GHR: variants seen among roughly 807,000 people sequenced by gnomAD.
GHR encodes growth hormone receptor.
A neutral mutation model predicts 67.1 loss-of-function variants in GHR; 35 were observed. The observed-to-expected ratio is 0.52, with a 90% CI of 0.40 to 0.69. GHR has a LOEUF of 0.69. Ranked by LOEUF, GHR falls within the 30% of genes least tolerant of loss-of-function variation. The probability of loss-of-function intolerance (pLI) is 0.00; values close to 1 mark genes in which losing one functional copy is unlikely to be tolerated. For missense variants in GHR, 792 were observed against 764.6 expected (o/e 1.04, Z -0.42); for synonymous variants, 272 against 269.1 (o/e 1.01, Z -0.10).
At chr5:42,449,561 A>G (rs1260791963) in intron 1 of GHR, among the ~76,000 whole-genome samples, 2 of 152,176 alleles carry the variant, frequency 1.3e-5, no homozygotes, top group Non-Finnish European at 2.9e-5. Flanking sequence ...TTTTCTAGGT[A>G]TACAATCATG....
chr5:42,636,696 T>C (rs1197089411), intron 3 of GHR, among the ~76,000 whole-genome samples: 2 of 152,180 alleles, frequency 1.3e-5, no homozygotes, highest in Non-Finnish European at 2.9e-5. Context: ...GAAAATATCT[T>C]GAATTTATTA....
At chr5:42,567,204 G>A (rs1749990962) in intron 2 of GHR, among the ~76,000 whole-genome samples, 1 of 152,116 alleles carries the variant, frequency 6.6e-6, no homozygotes, top group Non-Finnish European at 1.5e-5. Context: ...TCATTAAGGT[G>A]ACTTTCACTC....
chr5:42,467,590 A>G, intron 1 of GHR: 1 of 1,597,022 alleles, frequency 6.3e-7, no homozygotes, highest in East Asian at 2.2e-5. Context: ...ATATACAGTC[A>G]GATTTGAACT....
chr5:42,575,634 C>T (rs1253609511), intron 2 of GHR, among the ~76,000 whole-genome samples: 1 of 151,576 alleles, frequency 6.6e-6, no homozygotes, highest in East Asian at 1.9e-4. Context: ...ATCAGTTGTC[C>T]AAGTGCAGGT....
Position 42,439,575 on chromosome 5 carries a change from A to G in GHR, c.-12+15620A>G, listed in dbSNP as rs556656178. On this transcript the variant is annotated intron_variant, in intron 1 of 9. Transcript: ENST00000230882. ...GAATTTGTATAAGACTTTGGGATAT[A>G]GTACTGTAAATTTATCTAAAGATGG... Among the ~76,000 whole-genome samples the G allele has an allele frequency of 2.0e-5, 3 of 152,362 alleles. No homozygotes were observed. In the South Asian group the frequency reaches 6.2e-4, roughly 32 times the overall value.
chr5:42,719,141 C>T lies in GHR; in HGVS notation c.1634C>T (p.Pro545Leu). The T allele has an allele frequency of 6.2e-7, 1 of 1,614,104 alleles. No homozygotes were observed. Among genetic ancestry groups the T allele is most frequent in the Non-Finnish European group, 8.5e-7 (1 of 1,179,982 alleles). ...FCEADAKKCI[P>L]VAPHIKVESH... ...GAGGCAGATGCCAAAAAGTGCATCC[C>T]TGTGGCTCCTCACATCAAGGTTGAA... The change falls in exon 10 of 10, where the codon CCT becomes CTT. Residue 545 changes from proline (P) to leucine (L), a missense_variant. Physicochemically the swap from Pro to Leu is moderately conservative, Grantham distance 98. Transcript: ENST00000230882.
chr5:42,465,465 C>T (rs1474658065), intron 1 of GHR: 1 of 1,581,896 alleles, frequency 6.3e-7, no homozygotes, highest in Non-Finnish European at 8.7e-7. Flanking sequence ...TTTGGACCCT[C>T]CTCTTTTACC....
intron 2 of GHR, among the ~76,000 whole-genome samples, chr5:42,592,723 T>TA (rs1751852921): frequency 6.6e-6 from 1 of 152,240 alleles, no homozygotes; most frequent in South Asian, 2.1e-4. Context: ...TCAGTGAACA[T>TA]ACGTGTGTGT....
chr5:42,588,045 A>G (rs913716285), intron 2 of GHR, among the ~76,000 whole-genome samples: 2 of 152,206 alleles, frequency 1.3e-5, no homozygotes, highest in African/African-American at 4.8e-5. Flanking sequence ...AAGATTTTCA[A>G]GGTCAAATTG....
intron 3 of GHR, among the ~76,000 whole-genome samples, chr5:42,687,700 A>G (rs6882361): frequency 0.012 from 1,785 of 152,270 alleles, 37 homozygotes; most frequent in African/African-American, 0.041. Context: ...GTTTTTATGC[A>G]TTTGCTTCAT....
chr5:42,616,929 G>T (rs1201518445), intron 2 of GHR, among the ~76,000 whole-genome samples: 2 of 152,024 alleles, frequency 1.3e-5, no homozygotes, highest in African/African-American at 4.8e-5. Flanking sequence ...TATTGAATTT[G>T]ATATGAACAG....
chr5:42,565,892 G>A lies in GHR; in HGVS notation c.18G>A (p.Leu6=), dbSNP rs1233232856. Residue 6 remains leucine (L), a synonymous_variant, in exon 2 of 10, where the codon CTG becomes CTA. Transcript: ENST00000230882. The part of the protein sequence containing the change: MDLWQ[L]LLTLALAGSS... ...CTACAGGTATGGATCTCTGGCAGCT[G>A]CTGTTGACCTTGGCACTGGCAGGAT... The A allele has an allele frequency of 2.5e-6, 4 of 1,614,052 alleles. No individual in the cohort carries two copies. The South Asian group carries it at 4.4e-5, about 18-fold the overall frequency.
At chr5:42,640,433 G>C (rs1029804509) in intron 3 of GHR, among the ~76,000 whole-genome samples, 8 of 152,026 alleles carry the variant, frequency 5.3e-5, no homozygotes, top group Non-Finnish European at 8.8e-5. Context: ...TAAGGTGTTA[G>C]GTATTTTATT....
intron 4 of GHR, among the ~76,000 whole-genome samples, chr5:42,692,639 T>C (rs1757471335): frequency 6.6e-6 from 1 of 152,208 alleles, no homozygotes; most frequent in Non-Finnish European, 1.5e-5. Flanking sequence ...AAATGCTCTG[T>C]TTGTCCTGTG....
rs567127731 is a variant in GHR, at chr5:42,715,603, G to A, written c.875+2084G>A. On this transcript the variant is annotated intron_variant, in intron 8 of 9. Transcript: ENST00000230882. The stretch of plus-strand genomic sequence containing the variant: ...AGCCTTTGAGCTGTTACCAATTGAG[G>A]AAAGAAATAACTGAATCAGCCTAAA... Among the ~76,000 whole-genome samples the A allele has an allele frequency of 6.6e-5, 10 of 152,288 alleles. No individual in the cohort carries two copies. The South Asian group carries it at 1.9e-3, about 28-fold the overall frequency.
At chr5:42,696,076 C>T (rs965077304) in intron 5 of GHR, among the ~76,000 whole-genome samples, 3 of 152,192 alleles carry the variant, frequency 2.0e-5, no homozygotes, top group Non-Finnish European at 4.4e-5. Flanking sequence ...CTGGGTATAG[C>T]TGTTGAGTTG....
intron 2 of GHR, among the ~76,000 whole-genome samples, chr5:42,627,137 C>T (rs1272312730): frequency 6.6e-6 from 1 of 152,150 alleles, no homozygotes. Flanking sequence ...TTGAGCTTTT[C>T]ACCTCCCTTC....
chr5:42,678,767 A>T (rs1179409374), intron 3 of GHR, among the ~76,000 whole-genome samples: 1 of 151,886 alleles, frequency 6.6e-6, no homozygotes, highest in Non-Finnish European at 1.5e-5. Flanking sequence ...TCAAACTGAA[A>T]GTAGTGACCT....
At chr5:42,703,807 T>C (rs768276141) in intron 6 of GHR, among the ~76,000 whole-genome samples, 1 of 151,928 alleles carries the variant, frequency 6.6e-6, no homozygotes, top group Non-Finnish European at 1.5e-5. Context: ...TTTATAGATA[T>C]TGTGAAAGGG....
Sources: gnomAD v4.1 joint callset for allele counts (sites outside exome capture counted in the v4.1 genomes callset) on GRCh38, gnomAD v4.1.1 for gene constraint, MANE v1.5 for transcripts, NCBI Gene and HGNC (gene_info 2026-07-23, HGNC 2026-07-21) for gene names.